The following SEMA3B variants were observed in gnomAD, a reference collection of about 807,000 sequenced individuals.
SEMA3B encodes semaphorin 3B.
Under a neutral mutation model 77.8 loss-of-function variants are expected in SEMA3B, and 71 were observed. That is an observed-to-expected ratio of 0.91 (90% confidence interval 0.75 to 1.11). The LOEUF is 1.11. Among genes scored for constraint, SEMA3B ranks in the 50% most tolerant of loss-of-function variants. The pLI is 0.00. For synonymous variants in SEMA3B, 470 were observed against 452.9 expected, an observed-to-expected ratio of 1.04 and a Z score of -0.48; for missense variants, 968 against 1,056.8, an observed-to-expected ratio of 0.92 and a Z score of 1.17.
chr3:50,264,022 A>G (rs1183518367), upstream of SEMA3B, among the ~76,000 whole-genome samples: 2 of 151,452 alleles, frequency 1.3e-5, no homozygotes, highest in Non-Finnish European at 2.9e-5. Flanking sequence ...ACATGACAAA[A>G]CCTCATCTCT....
upstream of SEMA3B, chr3:50,268,933 G>C: frequency 2.1e-6 from 1 of 465,974 alleles, no homozygotes; most frequent in East Asian, 4.4e-5. Context: ...GAGATTACTG[G>C]GAAGGGTGAC....
Position 50,273,646 on chromosome 3 carries a change from C to G in SEMA3B, c.922C>G (p.Gln308Glu), listed in dbSNP as rs1559788563. Residue 308 changes from glutamine (Q) to glutamate (E), a missense_variant and splice_region_variant, in exon 8 of 17, where the codon CAG becomes GAG. Physicochemically the swap from Gln to Glu is conservative, Grantham distance 29. Transcript: ENST00000616701. This position sits in a 1 kb window ranked among gnomAD's most constrained non-coding sequence, Gnocchi z 6.5. ...GGGCGACACCCACTTCGATCAGCTC[C>G]GTGAGTGCGGGAGTGGGTATGGGGT... Reference protein sequence around the residue: ...VEGDTHFDQLQDVFLLSSRDH... With the variant: ...VEGDTHFDQLEDVFLLSSRDH... 1.2e-6 allele frequency: 2 copies of G among 1,610,114 alleles called. No homozygotes were observed. The highest frequency in any genetic ancestry group is 1.7e-6 in the Non-Finnish European group (2 of 1,179,384).
At position 50,274,268 on chromosome 3, in the gene SEMA3B, T is replaced by A. The variant is rs1553706067; in HGVS notation, c.1138-95T>A. On this transcript the variant is annotated intron_variant, in intron 10 of 16. Coordinates refer to ENST00000616701, the MANE Select transcript of SEMA3B (RefSeq NM_001290060.2). This position sits in a 1 kb window ranked among gnomAD's most constrained non-coding sequence, Gnocchi z 4.7. ...TTCTCAGGGCAGGGTTCTGTCCCCA[T>A]CCCCCTCCATGTTCCCAGAGGCTGG... 2.5e-6 allele frequency: 3 copies of A among 1,216,566 alleles called. No homozygotes were observed. The highest frequency in any genetic ancestry group is 1.5e-5 in the African/African-American group (1 of 64,952). The allele number at this position is 1,216,566 out of a possible 1,614,324, so 75.4% of individuals were successfully genotyped here. A position where few individuals can be genotyped will look rare whatever the true frequency, so the allele number is the denominator to read the frequency against.
chr3:50,270,485 A>C lies in SEMA3B; in HGVS notation c.320A>C (p.Lys107Thr), dbSNP rs1553705165. 1 of 1,613,538 alleles carries C rather than the reference A, an allele frequency of 6.2e-7. No individual in the cohort carries two copies. Among genetic ancestry groups the C allele is most frequent in the South Asian group, 1.1e-5 (1 of 91,082 alleles). ...EWREECNWAGKDIGTECMNFV... is the reference protein window; with the variant it reads ...EWREECNWAGTDIGTECMNFV... ...CGAGAGGAGTGCAACTGGGCAGGGA[A>C]GGACATTGGTGTGAGTGCCAGCTGC... The change falls in exon 3 of 17, where the codon AAG (lysine) becomes ACG (threonine). Residue 107 changes from lysine to threonine, a missense_variant. Coordinates refer to ENST00000616701, the MANE Select transcript of SEMA3B (RefSeq NM_001290060.2). This position sits in a 1 kb window ranked among gnomAD's most constrained non-coding sequence, Gnocchi z 4.7.
chr3:50,270,450 T>G lies in SEMA3B; in HGVS notation c.285T>G (p.Pro95=). 1 of 1,613,618 alleles carries G rather than the reference T, an allele frequency of 6.2e-7. No homozygotes were observed. ...KRAKKLAWPA[P]VEWREECNWA... Reference sequence around the variant, plus strand: ...CCCGATAGCTGGCCTGGCCGGCCCCTGTGGAATGGCGAGAGGAGTGCAACT... The same window carrying G: ...CCCGATAGCTGGCCTGGCCGGCCCCGGTGGAATGGCGAGAGGAGTGCAACT... Residue 95 remains proline, a synonymous_variant, in exon 3 of 17, where the codon CCT becomes CCG. Coordinates refer to ENST00000616701, the MANE Select transcript of SEMA3B (RefSeq NM_001290060.2). This position sits in a 1 kb window ranked among gnomAD's most constrained non-coding sequence, Gnocchi z 4.7.
In SEMA3B at chr3:50,275,907, C is replaced by A; in HGVS notation, c.1845+63C>A. 6.6e-7 allele frequency: 1 copy of A among 1,508,254 alleles called. No homozygotes were observed. The highest frequency in any genetic ancestry group is 2.3e-5 in the East Asian group (1 of 43,328). The allele number at this position is 1,508,254 out of a possible 1,614,324, so 93.4% of individuals were successfully genotyped here. A position where few individuals can be genotyped will look rare whatever the true frequency, so the allele number is the denominator to read the frequency against. ...CCACCCCCTGCATCCAGGAGAGGCC[C>A]CGCCCTACCCAACGAAGCCCCGTCC... On this transcript the variant is annotated intron_variant, in intron 16 of 16. Transcript: ENST00000616701. The surrounding 1 kb of genome is among the most constrained non-coding windows in gnomAD (Gnocchi z 7.5).
At chr3:50,272,751 C>T (rs1701086346) in intron 6 of SEMA3B, among the ~76,000 whole-genome samples, 3 of 149,668 alleles carry the variant, frequency 2.0e-5, no homozygotes, top group Admixed American at 2.0e-4. Context: ...TAGGCTCTGA[C>T]TGTAATCTCA....
Position 50,275,793 on chromosome 3 carries a change from G to T in SEMA3B, c.1794G>T (p.Gln598His). Residue 598 changes from glutamine (Q) to histidine (H), a missense_variant, in exon 16 of 17, where the codon CAG (glutamine) becomes CAT (histidine). Physicochemically the swap from Gln to His is conservative, Grantham distance 24 (BLOSUM62 0). Transcript: ENST00000616701. The surrounding 1 kb of genome is among the most constrained non-coding windows in gnomAD (Gnocchi z 7.5). ...AFLECEPRSLQARVEWTFQRA... is the reference protein window; with the variant it reads ...AFLECEPRSLHARVEWTFQRA... ...TGGAGTGTGAGCCCCGCTCGCTGCAGGCGCGCGTGGAGTGGACTTTCCAGC... is the reference window on the plus strand; with the variant it reads ...TGGAGTGTGAGCCCCGCTCGCTGCATGCGCGCGTGGAGTGGACTTTCCAGC... 6.2e-7 allele frequency: 1 copy of T among 1,611,998 alleles called. No homozygotes were observed. Among genetic ancestry groups the T allele is most frequent in the South Asian group, 1.1e-5 (1 of 91,032 alleles).
Position 50,274,199 on chromosome 3 carries a change from T to TTCCCGCCTC in SEMA3B, c.1137+144_1137+152dup. On this transcript the variant is annotated intron_variant, in intron 10 of 16. Transcript: ENST00000616701. The surrounding 1 kb of genome is among the most constrained non-coding windows in gnomAD (Gnocchi z 4.7). The stretch of plus-strand genomic sequence containing the variant: ...GTTTCCATCATAAGACAAGGCTTGT[T>TTCCCGCCTC]TCCCGCCTCTGACTTCCTAGGGCAA... 2.2e-6 allele frequency: 3 copies of TTCCCGCCTC among 1,386,554 alleles called. No individual in the cohort carries two copies. Among genetic ancestry groups the TTCCCGCCTC allele is most frequent in the Non-Finnish European group, 2.9e-6 (3 of 1,017,880 alleles). The allele number at this position is 1,386,554 out of a possible 1,614,324, so 85.9% of individuals were successfully genotyped here.
At position 50,275,301 on chromosome 3, in the gene SEMA3B, G is replaced by A. The variant is rs1553706312; in HGVS notation, c.1492-1G>A. 1.3e-6 allele frequency: 2 copies of A among 1,560,236 alleles called. No homozygotes were observed. The highest frequency in any genetic ancestry group is 8.7e-7 in the Non-Finnish European group (1 of 1,153,498). On this transcript the variant is annotated splice_acceptor_variant, in intron 13 of 16. Coordinates refer to ENST00000616701, the MANE Select transcript of SEMA3B (RefSeq NM_001290060.2). LOFTEE classifies it high-confidence loss of function. The surrounding 1 kb of genome is among the most constrained non-coding windows in gnomAD (Gnocchi z 7.5). Reference sequence around the variant, plus strand: ...AGCCCAGAGCCCCTCGTGCCCCCTAGCACCAGCTGTACGTAGCCTCGCGGA... The same window carrying A: ...AGCCCAGAGCCCCTCGTGCCCCCTAACACCAGCTGTACGTAGCCTCGCGGA...
Position 50,270,758 on chromosome 3 carries a change from G to T in SEMA3B, c.331-132G>T, listed in dbSNP as rs1701025450. ...CTGGGCTGGTCAGCAAGGGCCCCCAGGTCCCTGTAGCCCATGTTAGTACTT... is the reference window on the plus strand; with the variant it reads ...CTGGGCTGGTCAGCAAGGGCCCCCATGTCCCTGTAGCCCATGTTAGTACTT... On this transcript the variant is annotated intron_variant, in intron 3 of 16. Coordinates refer to ENST00000616701, the MANE Select transcript of SEMA3B (RefSeq NM_001290060.2). The surrounding 1 kb of genome is among the most constrained non-coding windows in gnomAD (Gnocchi z 4.7). The T allele has an allele frequency of 7.0e-7, 1 of 1,433,154 alleles. No homozygotes were observed. The highest frequency in any genetic ancestry group is 9.4e-7 in the Non-Finnish European group (1 of 1,064,488). The allele number at this position is 1,433,154 out of a possible 1,614,324, so 88.8% of individuals were successfully genotyped here. A position where few individuals can be genotyped will look rare whatever the true frequency, so the allele number is the denominator to read the frequency against.
Position 50,270,331 on chromosome 3 carries a change from G to A in SEMA3B, c.267+47G>A. ...AGCACTCCCCAGGGAAGGAGCCCTGGGACCCCACTCCAGCCTGGAGAGACC... is the reference window on the plus strand; with the variant it reads ...AGCACTCCCCAGGGAAGGAGCCCTGAGACCCCACTCCAGCCTGGAGAGACC... On this transcript the variant is annotated intron_variant, in intron 2 of 16. Transcript: ENST00000616701. This position sits in a 1 kb window ranked among gnomAD's most constrained non-coding sequence, Gnocchi z 4.7. The A allele has an allele frequency of 6.2e-7, 1 of 1,609,312 alleles. No homozygotes were observed. Among genetic ancestry groups the A allele is most frequent in the Non-Finnish European group, 8.5e-7 (1 of 1,176,474 alleles).
In SEMA3B at chr3:50,276,928, G is replaced by A. The variant is rs1038142096; in HGVS notation, c.*222G>A. 9.8e-6 allele frequency: 5 copies of A among 510,960 alleles called. No individual in the cohort carries two copies. The highest frequency in any genetic ancestry group is 6.1e-5 in the African/African-American group (3 of 49,462). 31.7% of individuals were successfully genotyped at this position (510,960 alleles called of 1,614,324 possible). ...CCCGGGAGGGCGGCACAGGTCGGGC[G>A]CAGGATTCAGCCGGAGGGAAGGGAC... On this transcript the variant is annotated 3_prime_UTR_variant, in exon 17 of 17. Transcript: ENST00000616701. This position sits in a 1 kb window ranked among gnomAD's most constrained non-coding sequence, Gnocchi z 5.8.
Position 50,274,661 on chromosome 3 carries a change from C to T in SEMA3B, c.1357+79C>T, listed in dbSNP as rs2109246832. 6.8e-7 allele frequency: 1 copy of T among 1,467,960 alleles called. No individual in the cohort carries two copies. Among genetic ancestry groups the T allele is most frequent in the Non-Finnish European group, 9.2e-7 (1 of 1,081,562 alleles). The allele number at this position is 1,467,960 out of a possible 1,614,324, so 90.9% of individuals were successfully genotyped here. A position where few individuals can be genotyped will look rare whatever the true frequency, so the allele number is the denominator to read the frequency against. On this transcript the variant is annotated intron_variant, in intron 11 of 16. Transcript: ENST00000616701. This position sits in a 1 kb window ranked among gnomAD's most constrained non-coding sequence, Gnocchi z 4.7. ...CTGATGGAAGCTCTCCCTGTTCAGT[C>T]CCATCTCCACATCCTTTCCTGGGCT...
At position 50,273,974 on chromosome 3, in the gene SEMA3B, T is replaced by A; in HGVS notation, c.1054T>A (p.Leu352Met). The A allele has an allele frequency of 6.2e-7, 1 of 1,613,828 alleles. No individual in the cohort carries two copies. The highest frequency in any genetic ancestry group is 1.7e-5 in the Admixed American group (1 of 59,986). ...YSMNDVRRAF[L>M]GPFAHKEGPM... is the part of the protein sequence containing the mutation. ...CATGAACGACGTGCGCCGGGCCTTC[T>A]TGGGACCCTTTGCACACAAGGAGGG... is the stretch of plus-strand genomic sequence containing the variant. Residue 352 changes from leucine (L) to methionine (M), a missense_variant, in exon 10 of 17, where the codon TTG (leucine) becomes ATG (methionine). By Grantham distance (15) the Leu-to-Met change is conservative (BLOSUM62 2). Transcript: ENST00000616701. The surrounding 1 kb of genome is among the most constrained non-coding windows in gnomAD (Gnocchi z 6.5).
chr3:50,270,013 T>C lies in SEMA3B; in HGVS notation c.110-114T>C. 8.7e-7 allele frequency: 1 copy of C among 1,148,196 alleles called. No individual in the cohort carries two copies. The allele number at this position is 1,148,196 out of a possible 1,614,324, so 71.1% of individuals were successfully genotyped here. A position where few individuals can be genotyped will look rare whatever the true frequency, so the allele number is the denominator to read the frequency against. ...AAACTCACACACATGTAAACTCACATGTGTACAGGCCAGGTCCTAATGGCA... is the reference window on the plus strand; with the variant it reads ...AAACTCACACACATGTAAACTCACACGTGTACAGGCCAGGTCCTAATGGCA... On this transcript the variant is annotated intron_variant, in intron 1 of 16. Coordinates refer to ENST00000616701, the MANE Select transcript of SEMA3B (RefSeq NM_001290060.2). This position sits in a 1 kb window ranked among gnomAD's most constrained non-coding sequence, Gnocchi z 4.7.
rs1553705176 is a variant in SEMA3B at position 50,270,514 on chromosome 3, G to A, written c.330+19G>A. 6.2e-7 allele frequency: 1 copy of A among 1,613,378 alleles called. No homozygotes were observed. The highest frequency in any genetic ancestry group is 2.2e-5 in the East Asian group (1 of 44,870). ...CATTGGTGTGAGTGCCAGCTGCCCG[G>A]GCCGGGAGTGGGGAGGGTCAGCCCC... On this transcript the variant is annotated intron_variant, in intron 3 of 16. Transcript: ENST00000616701. The surrounding 1 kb of genome is among the most constrained non-coding windows in gnomAD (Gnocchi z 4.7).
In SEMA3B at chr3:50,275,647, C is replaced by A. The variant is rs782303058; in HGVS notation, c.1705+32C>A. On this transcript the variant is annotated intron_variant, in intron 15 of 16. Transcript: ENST00000616701. This position sits in a 1 kb window ranked among gnomAD's most constrained non-coding sequence, Gnocchi z 7.5. ...GCCCCAGCTGCCCCTACCCTCAGCC[C>A]CAGAAGACGCCCCACCTGCCCTGCC... is the stretch of plus-strand genomic sequence containing the variant. The A allele has an allele frequency of 6.2e-7, 1 of 1,613,444 alleles. No individual in the cohort carries two copies. The highest frequency in any genetic ancestry group is 8.5e-7 in the Non-Finnish European group (1 of 1,179,670).
chr3:50,276,322 C>A lies in SEMA3B; in HGVS notation c.1866C>A (p.Thr622=), dbSNP rs782747881. ...AHTQVLAEER[T]ERTARGLLLR... ...CGCAGGTGCTGGCAGAGGAGCGCACCGAGCGCACCGCCCGGGGACTACTGC... is the reference window on the plus strand; with the variant it reads ...CGCAGGTGCTGGCAGAGGAGCGCACAGAGCGCACCGCCCGGGGACTACTGC... Residue 622 remains threonine, a synonymous_variant, in exon 17 of 17, where the codon ACC becomes ACA. Transcript: ENST00000616701. The surrounding 1 kb of genome is among the most constrained non-coding windows in gnomAD (Gnocchi z 5.8). 2 of 1,523,130 alleles carry A rather than the reference C, an allele frequency of 1.3e-6. No individual in the cohort carries two copies. The highest frequency in any genetic ancestry group is 2.8e-5 in the African/African-American group (2 of 72,402). 94.4% of individuals were successfully genotyped at this position (1,523,130 alleles called of 1,614,324 possible).
Sources: allele counts gnomAD v4.1 joint callset (sites outside exome capture counted in the v4.1 genomes callset), GRCh38; gene constraint gnomAD v4.1.1; non-coding constraint Gnocchi (gnomAD v3.1); transcripts MANE v1.5; gene names NCBI Gene and HGNC (gene_info 2026-07-23, HGNC 2026-07-21).